Variants in HSD17B4 observed in about 807,000 individuals in gnomAD.
HSD17B4 encodes peroxisomal multifunctional enzyme type 2.
In HSD17B4, 70 loss-of-function variants were observed where a neutral mutation model predicts 101.0. The observed-to-expected ratio is 0.69, with a 90% confidence interval of 0.57 to 0.85. The LOEUF is 0.85. HSD17B4 is among the 40% of genes least tolerant of loss of function. HSD17B4 has a pLI of 0.00. For missense variants in HSD17B4, 984 were observed against 892.4 expected, an observed-to-expected ratio of 1.10 and a Z score of -1.31; for synonymous variants, 347 against 297.1, an observed-to-expected ratio of 1.17 and a Z score of -1.73.
intron 9 of HSD17B4, among the ~76,000 whole-genome samples, chr5:119,490,826 C>CCAAAGT (rs1750036003): frequency 6.6e-6 from 1 of 152,150 alleles, no homozygotes; most frequent in Non-Finnish European, 1.5e-5. Context: ...CCTTGGCCTC[C>CCAAAGT]CAAAGTCCTG....
At chr5:119,536,078 G>A in intron 22 of HSD17B4, 1 of 275,016 alleles carries the variant, frequency 3.6e-6, no homozygotes, top group Non-Finnish European at 7.0e-6. Context: ...CTGCCACTAA[G>A]AGAAAATGAA....
intron 2 of HSD17B4, among the ~76,000 whole-genome samples, chr5:119,472,127 G>T (rs184883611): frequency 4.2e-4 from 64 of 152,234 alleles, no homozygotes; most frequent in Middle Eastern, 3.4e-3. Context: ...TGTAATTTTT[G>T]ACCTCTTTTG....
chr5:119,481,349 C>T (rs115627215), intron 8 of HSD17B4, among the ~76,000 whole-genome samples: 3,282 of 152,256 alleles, frequency 0.022, 113 homozygotes, highest in African/African-American at 0.072. Context: ...CCTGACTTCC[C>T]TCAACACCTT....
Position 119,502,354 on chromosome 5 carries a change from C to T in HSD17B4, c.1261+262C>T, listed in dbSNP as rs571964647. On this transcript the variant is annotated intron_variant, in intron 14 of 23. Transcript: ENST00000510025. ...ATGTGTTATTAACAACTGAAAGGAA[C>T]GTTCGTGTATGTGCTCTAGACTTAG... Among the ~76,000 whole-genome samples, 9 of 152,150 alleles carry T rather than the reference C, an allele frequency of 5.9e-5. No homozygotes were observed. The South Asian group carries it at 8.3e-4, about 14-fold the overall frequency.
At chr5:119,460,667 G>A (rs1456258161) in intron 2 of HSD17B4, among the ~76,000 whole-genome samples, 2 of 152,172 alleles carry the variant, frequency 1.3e-5, no homozygotes, top group Non-Finnish European at 2.9e-5. Context: ...AGCAAACACT[G>A]TTCTAGATGC....
intron 13 of HSD17B4, 69 bp downstream of exon 13, chr5:119,499,622 T>G (rs1463780925): frequency 7.1e-6 from 6 of 844,132 alleles, no homozygotes; most frequent in Non-Finnish European, 1.2e-5. Context: ...ATGTCATATC[T>G]TATATATATG....
At chr5:119,455,847 C>T (rs1388711921) in intron 1 of HSD17B4, among the ~76,000 whole-genome samples, 1 of 152,124 alleles carries the variant, frequency 6.6e-6, no homozygotes, top group Non-Finnish European at 1.5e-5. Flanking sequence ...CCAAGTAGCA[C>T]TGGCACTAGG....
intron 17 of HSD17B4, among the ~76,000 whole-genome samples, chr5:119,518,021 G>A (rs1752793203): frequency 6.6e-6 from 1 of 152,132 alleles, no homozygotes; most frequent in South Asian, 2.1e-4. Context: ...AGACCACTCA[G>A]CTCTACCAAT....
At chr5:119,519,679 T>G (rs1752945040) in intron 17 of HSD17B4, among the ~76,000 whole-genome samples, 1 of 152,224 alleles carries the variant, frequency 6.6e-6, no homozygotes, top group African/African-American at 2.4e-5. Flanking sequence ...AAGTCATATT[T>G]CCTGGAGTAT....
intron 2 of HSD17B4, chr5:119,456,686 GCAGAGAAC>G: frequency 2.5e-6 from 1 of 393,512 alleles, no homozygotes; most frequent in East Asian, 5.7e-5. Flanking sequence ...GTTCGAGCCT[GCAGAGAAC>G]TATGATTATA....
intron 9 of HSD17B4, among the ~76,000 whole-genome samples, chr5:119,491,398 G>A (rs1002543324): frequency 1.3e-5 from 2 of 151,418 alleles, no homozygotes; most frequent in Non-Finnish European, 2.9e-5. Context: ...GGTAAGTTTG[G>A]GTACACTGTA....
intron 9 of HSD17B4, among the ~76,000 whole-genome samples, chr5:119,491,320 C>G (rs556129915): frequency 3.1e-4 from 47 of 152,216 alleles, no homozygotes; most frequent in South Asian, 8.3e-4. Context: ...AAGCCACACC[C>G]TTGAACTTAG....
Position 119,532,408 on chromosome 5 carries a change from T to C in HSD17B4, c.1993+1004T>C, listed in dbSNP as rs1754192765. Among the ~76,000 whole-genome samples, 3 of 152,140 alleles carry C rather than the reference T, an allele frequency of 2.0e-5. No individual in the cohort carries two copies. In the South Asian group the frequency reaches 6.2e-4, roughly 31 times the overall value. On this transcript the variant is annotated intron_variant, in intron 22 of 23. Coordinates refer to ENST00000510025, the MANE Select transcript of HSD17B4 (RefSeq NM_000414.4). ...ACATAATAACTAGCCTGATTCTGTA[T>C]ATGTTGGAATGAGTGCTAAAAGCCA...
chr5:119,491,627 C>A (rs1750116455), intron 9 of HSD17B4, among the ~76,000 whole-genome samples: 1 of 152,024 alleles, frequency 6.6e-6, no homozygotes, highest in Non-Finnish European at 1.5e-5. Flanking sequence ...GTCAAATACT[C>A]ATTTTATTTG....
intron 15 of HSD17B4, among the ~76,000 whole-genome samples, 176 bp from the exon 16 acceptor site, chr5:119,508,965 A>G (rs1358731660): frequency 6.6e-6 from 1 of 152,222 alleles, no homozygotes; most frequent in Non-Finnish European, 1.5e-5. Flanking sequence ...TCTGGTATGA[A>G]TGGATTAAAA....
At chr5:119,508,393 T>G (rs1751860085) in intron 15 of HSD17B4, among the ~76,000 whole-genome samples, 1 of 152,244 alleles carries the variant, frequency 6.6e-6, no homozygotes, top group Non-Finnish European at 1.5e-5. Context: ...AATAAAAATC[T>G]TATTTGAACT....
rs114722190 is a variant in HSD17B4 at position 119,515,964 on chromosome 5, C to T, written c.1503+918C>T. Among the ~76,000 whole-genome samples, 783 of 152,268 alleles carry T rather than the reference C, an allele frequency of 5.1e-3. 1 individual carries two copies. Among genetic ancestry groups the T allele is most frequent in the Non-Finnish European group, 7.9e-3 (538 of 68,004 alleles). Reference sequence around the variant, plus strand: ...TAATATGCACAACAAACCCCCATGACACACAATTATCTATGTAACAATCCT... The same window carrying T: ...TAATATGCACAACAAACCCCCATGATACACAATTATCTATGTAACAATCCT... On this transcript the variant is annotated intron_variant, in intron 17 of 23. Coordinates refer to ENST00000510025, the MANE Select transcript of HSD17B4 (RefSeq NM_000414.4).
chr5:119,471,287 C>T (rs1367917984), intron 2 of HSD17B4, among the ~76,000 whole-genome samples: 1 of 152,050 alleles, frequency 6.6e-6, no homozygotes, highest in Non-Finnish European at 1.5e-5. Flanking sequence ...ATACAAGCCT[C>T]TTTCTATTAT....
chr5:119,466,832 G>T (rs1029613195), intron 2 of HSD17B4, among the ~76,000 whole-genome samples: 1 of 151,656 alleles, frequency 6.6e-6, no homozygotes, highest in Non-Finnish European at 1.5e-5. Flanking sequence ...TTTGGATTTG[G>T]TTCTTGCTTT....
Sources: allele counts gnomAD v4.1 joint callset (sites outside exome capture counted in the v4.1 genomes callset), GRCh38; gene constraint gnomAD v4.1.1; transcripts MANE v1.5; gene names NCBI Gene and HGNC (gene_info 2026-07-23, HGNC 2026-07-21).